PLXNA4: variants seen among roughly 807,000 people sequenced by gnomAD.
PLXNA4 encodes plexin-A4.
PLXNA4 carries 44 observed loss-of-function variants against 191.8 expected under a neutral mutation model. The observed-to-expected ratio is 0.23, with a 90% CI of 0.18 to 0.29. The LOEUF is 0.29. Among genes scored for constraint, PLXNA4 ranks in the 10% least tolerant of loss-of-function variants. PLXNA4 has a pLI of 1.00. For missense variants in PLXNA4, 1,800 were observed against 2,488.8 expected (o/e 0.72, Z 5.89); for synonymous variants, 1,082 against 1,009.5 (o/e 1.07, Z -1.36).
rs972730976 is a variant in PLXNA4, at chr7:132,605,415, G to A, written c.-87+40513C>T. On this transcript the variant is annotated intron_variant, in intron 2 of 4. Coordinates refer to the PLXNA4 transcript ENST00000378539. ...CAACAGATCTTTGTCCCCAGGATTT[G>A]GGGACAAGGCAGAACTAGACTTTGG... Among the ~76,000 whole-genome samples the A allele has an allele frequency of 3.3e-5, 5 of 152,272 alleles. No homozygotes were observed. In the East Asian group the frequency reaches 7.7e-4, roughly 24 times the overall value.
intron 14 of PLXNA4, among the ~76,000 whole-genome samples, chr7:132,189,774 G>T (rs1009236848): frequency 6.6e-6 from 1 of 152,072 alleles, no homozygotes; most frequent in African/African-American, 2.4e-5. Context: ...AACCCCCTGC[G>T]GAGACTCATG....
chr7:132,209,018 T>C (rs895306418), intron 10 of PLXNA4, among the ~76,000 whole-genome samples: 1 of 152,346 alleles, frequency 6.6e-6, no homozygotes, highest in Admixed American at 6.5e-5. Context: ...TACTTCCAAT[T>C]CTGGCAGTCA....
chr7:132,646,694 A>C (rs1342434297), intron 1 of PLXNA4, among the ~76,000 whole-genome samples: 1 of 152,050 alleles, frequency 6.6e-6, no homozygotes. Context: ...TGTTTAGGCC[A>C]CTCAGTCTGA....
chr7:132,303,058 G>A lies in PLXNA4; in HGVS notation c.1372-4836C>T, dbSNP rs555746553. On this transcript the variant is annotated intron_variant, in intron 3 of 31. Transcript: ENST00000321063. ...CGCCCAGCTAATTTTTGTATTGTTA[G>A]TAGAGACGGGGTTTCACCATATTTG... Among the ~76,000 whole-genome samples, 37 of 151,816 alleles carry A rather than the reference G, an allele frequency of 2.4e-4. No homozygotes were observed. In the East Asian group the frequency reaches 7.0e-3, roughly 29 times the overall value.
intron 1 of PLXNA4, among the ~76,000 whole-genome samples, chr7:132,509,704 T>A (rs1361958951): frequency 6.6e-6 from 1 of 152,152 alleles, no homozygotes; most frequent in Non-Finnish European, 1.5e-5. Context: ...TTAAGGTTGA[T>A]CCCTTCTCGG....
At chr7:132,191,790 C>CTCTCTCTCTCTCTCTCTCTCTCTCTG (rs1428800606) in intron 14 of PLXNA4, among the ~76,000 whole-genome samples, 46 of 151,448 alleles carry the variant, frequency 3.0e-4, no homozygotes, top group African/African-American at 1.1e-3. Flanking sequence ...CTCTCTCTCT[C>CTCTCTCTCTCTCTCTCTCTCTCTCTG]TCTCTGTCTC....
intron 12 of PLXNA4, among the ~76,000 whole-genome samples, chr7:132,200,322 G>T (rs182550774): frequency 4.3e-4 from 66 of 152,294 alleles, no homozygotes; most frequent in Non-Finnish European, 2.4e-4. Context: ...GTTTCTTGTT[G>T]AGGGCTCTGG....
At chr7:132,194,237 AC>A (rs1797181633) in intron 13 of PLXNA4, 58 bp from the exon 14 acceptor site, 10 of 1,550,126 alleles carry the variant, frequency 6.5e-6, no homozygotes, top group Non-Finnish European at 7.9e-6. Flanking sequence ...AAGACCCTGC[AC>A]CCCACAGCAC....
intron 1 of PLXNA4, among the ~76,000 whole-genome samples, chr7:132,573,566 C>G (rs1325799937): frequency 6.6e-6 from 1 of 152,140 alleles, no homozygotes; most frequent in Admixed American, 6.5e-5. Flanking sequence ...GAAAAGGATC[C>G]CGAGGCCAAG....
chr7:132,173,045 C>G (rs1796340889), intron 21 of PLXNA4, among the ~76,000 whole-genome samples: 1 of 152,194 alleles, frequency 6.6e-6, no homozygotes, highest in Non-Finnish European at 1.5e-5. Context: ...GCACTCTACT[C>G]TGCTGGAAGT....
intron 1 of PLXNA4, among the ~76,000 whole-genome samples, chr7:132,539,160 C>A (rs1042078161): frequency 1.3e-5 from 2 of 152,186 alleles, no homozygotes; most frequent in Non-Finnish European, 2.9e-5. Context: ...CTGTGGGACA[C>A]AGGGAGTCTC....
intron 2 of PLXNA4, among the ~76,000 whole-genome samples, chr7:132,505,884 G>T (rs1251693768): frequency 2.0e-5 from 3 of 152,206 alleles, no homozygotes; most frequent in East Asian, 3.9e-4. Flanking sequence ...TCTCTTAAGT[G>T]GCTCCACTAC....
rs1794848156 is a variant in PLXNA4, at chr7:132,128,746, A to G, written c.*1733T>C. On this transcript the variant is annotated 3_prime_UTR_variant, in exon 32 of 32. Coordinates refer to ENST00000321063, the MANE Select transcript of PLXNA4 (RefSeq NM_020911.2). ...GTGGTTTCTTCCCCAAGGGGGGCTC[A>G]TTCTGAGTGGGTGACAAGGAATGAT... 6.6e-6 allele frequency: 1 copy of G among 152,262 alleles called. No homozygotes were observed. The highest frequency in any genetic ancestry group is 1.5e-5 in the Non-Finnish European group (1 of 68,054). The allele number at this position is 152,262 out of a possible 1,614,324, so 9.4% of individuals were successfully genotyped here.
Position 132,242,634 on chromosome 7 carries a change from C to A in PLXNA4, c.1504-1468G>T, listed in dbSNP as rs78762348. ...TGCGCTTTCACTTCTTTCAAGCAAC[C>A]TTTTAGCTTACCTCTCCCATTCTGA... On this transcript the variant is annotated intron_variant, in intron 4 of 31. Coordinates refer to ENST00000321063, the MANE Select transcript of PLXNA4 (RefSeq NM_020911.2). 3.9e-3 allele frequency among the ~76,000 whole-genome samples: 590 copies of A among 152,310 alleles called. 14 individuals are homozygous for A. In the East Asian group the frequency reaches 0.067, roughly 17 times the overall value.
At position 132,507,869 on chromosome 7, in the gene PLXNA4, C is replaced by G; in HGVS notation, c.825G>C (p.Val275=). Residue 275 remains valine, a synonymous_variant, in exon 2 of 32, where the codon GTG becomes GTC. Coordinates refer to ENST00000321063, the MANE Select transcript of PLXNA4 (RefSeq NM_020911.2). ...SPPGSTTKEQ[V]YTSKLVRLCK... The stretch of plus-strand genomic sequence containing the variant: ...AAAGCCTCACGAGCTTGGATGTATA[C>G]ACCTGCTCCTTGGTGGTGGAGCCTG... The G allele has an allele frequency of 6.2e-7, 1 of 1,614,186 alleles. No individual in the cohort carries two copies. The highest frequency in any genetic ancestry group is 8.5e-7 in the Non-Finnish European group (1 of 1,180,036).
intron 1 of PLXNA4, among the ~76,000 whole-genome samples, chr7:132,571,417 C>T (rs1393823174): frequency 2.6e-5 from 4 of 152,226 alleles, no homozygotes; most frequent in Non-Finnish European, 4.4e-5. Flanking sequence ...TCTGCTGCAA[C>T]CACCATAGGA....
At chr7:132,431,531 G>A (rs1043475714) in intron 3 of PLXNA4, among the ~76,000 whole-genome samples, 17 of 151,808 alleles carry the variant, frequency 1.1e-4, no homozygotes, top group Non-Finnish European at 2.5e-4. Context: ...AAGGGAGGGG[G>A]AAGACGTGAC....
intron 21 of PLXNA4, among the ~76,000 whole-genome samples, chr7:132,173,064 C>T (rs1015634716): frequency 8.5e-5 from 13 of 152,204 alleles, no homozygotes; most frequent in African/African-American, 2.9e-4. Flanking sequence ...GTTAGAACTA[C>T]AAAGATAAAT....
intron 2 of PLXNA4, among the ~76,000 whole-genome samples, chr7:132,605,790 C>G (rs1252689003): frequency 6.6e-6 from 1 of 152,056 alleles, no homozygotes; most frequent in African/African-American, 2.4e-5. Flanking sequence ...GGTTAGTGTT[C>G]TTATACAAAG....
Sources: allele counts gnomAD v4.1 joint callset (sites outside exome capture counted in the v4.1 genomes callset), GRCh38; gene constraint gnomAD v4.1.1; transcripts MANE v1.5; gene names NCBI Gene and HGNC (gene_info 2026-07-23, HGNC 2026-07-21).